PDE11A: variants seen among roughly 807,000 people sequenced by gnomAD.
PDE11A encodes the protein phosphodiesterase 11A.
Under a neutral mutation model 100.5 loss-of-function variants are expected in PDE11A, and 100 were observed. The ratio of observed to expected loss-of-function variants is 1.00; its 90% CI spans 0.85 to 1.18. The LOEUF (loss-of-function observed/expected upper bound fraction) is 1.18, where lower values mean the gene tolerates loss of function less well. Among genes scored for constraint, PDE11A ranks in the 50% most tolerant of loss-of-function variants. PDE11A has a pLI of 0.00. For synonymous variants in PDE11A, 381 were observed against 420.8 expected (o/e 0.91, Z 1.16); for missense variants, 1,141 against 1,152.6 (o/e 0.99, Z 0.15).
chr2:178,071,976 C>T lies in PDE11A; in HGVS notation c.462G>A (p.Arg154=), dbSNP rs1203055600. 6 of 1,613,890 alleles carry T rather than the reference C, an allele frequency of 3.7e-6. No individual in the cohort carries two copies. The highest frequency in any genetic ancestry group is 4.2e-6 in the Non-Finnish European group (5 of 1,179,940). The part of the protein sequence containing the change: ...RAQEPLSSVR[R]RALLRKASSL... ...AGCTTGCCTTCCGGAGAAGTGCCCT[C>T]CGTCGTACACTACTCAGGGGTTCCT... The change falls in exon 1 of 20, where the codon CGG becomes CGA. Residue 154 remains arginine, a synonymous_variant. Coordinates refer to ENST00000286063, the MANE Select transcript of PDE11A (RefSeq NM_016953.4).
chr2:177,945,091 G>C (rs570982378), intron 2 of PDE11A, among the ~76,000 whole-genome samples: 29 of 150,718 alleles, frequency 1.9e-4, no homozygotes, highest in African/African-American at 7.0e-4. Flanking sequence ...CGAGGTGCCG[G>C]GATTGCAGAG....
At chr2:178,005,587 C>A (rs955615709) in intron 2 of PDE11A, among the ~76,000 whole-genome samples, 2 of 152,120 alleles carry the variant, frequency 1.3e-5, no homozygotes, top group Non-Finnish European at 2.9e-5. Context: ...TCTGAGAGGG[C>A]AAGAATTTTT....
At chr2:177,950,656 A>T (rs2085494737) in intron 2 of PDE11A, among the ~76,000 whole-genome samples, 2 of 152,222 alleles carry the variant, frequency 1.3e-5, no homozygotes. Context: ...TCACGCCTGT[A>T]ATCCCAGCAC....
intron 2 of PDE11A, among the ~76,000 whole-genome samples, chr2:178,086,661 T>TA (rs2087360134): frequency 6.6e-6 from 1 of 152,194 alleles, no homozygotes; most frequent in African/African-American, 2.4e-5. Flanking sequence ...AAGATTCCAT[T>TA]TAAAAATTTT....
At chr2:177,826,803 G>C (rs2083232777) in intron 6 of PDE11A, among the ~76,000 whole-genome samples, 1 of 152,130 alleles carries the variant, frequency 6.6e-6, no homozygotes, top group Non-Finnish European at 1.5e-5. Context: ...CTGCTCAACT[G>C]TAATTCTTAC....
chr2:177,877,705 C>G (rs2084263709), intron 4 of PDE11A, among the ~76,000 whole-genome samples: 1 of 152,146 alleles, frequency 6.6e-6, no homozygotes, highest in Admixed American at 6.5e-5. Context: ...GGACTCAGTT[C>G]CAAGGCCTTT....
intron 4 of PDE11A, among the ~76,000 whole-genome samples, chr2:177,882,363 AG>A (rs2084357374): frequency 1.3e-5 from 2 of 152,270 alleles, no homozygotes. Context: ...CGGGATATAT[AG>A]AATGACATTG....
Position 177,780,146 on chromosome 2 carries a change from G to A in PDE11A, c.1738-10773C>T, listed in dbSNP as rs2082433532. Among the ~76,000 whole-genome samples the A allele has an allele frequency of 2.0e-5, 3 of 152,096 alleles. No individual in the cohort carries two copies. The South Asian group carries it at 6.2e-4, about 32-fold the overall frequency. Reference sequence around the variant, plus strand: ...TTTGTCTGAGCAGTAAGTCTCAATGGGAGGCCTAAAACATTTAGCAAACCA... The same window carrying A: ...TTTGTCTGAGCAGTAAGTCTCAATGAGAGGCCTAAAACATTTAGCAAACCA... On this transcript the variant is annotated intron_variant, in intron 9 of 19. Transcript: ENST00000286063.
chr2:177,648,109 C>T (rs1470524604), intron 19 of PDE11A, among the ~76,000 whole-genome samples: 1 of 151,818 alleles, frequency 6.6e-6, no homozygotes, highest in Non-Finnish European at 1.5e-5. Flanking sequence ...GAGACCCTGT[C>T]TCCAAAAAAG....
intron 2 of PDE11A, among the ~76,000 whole-genome samples, chr2:177,961,435 C>T (rs887969960): frequency 1.3e-5 from 2 of 152,200 alleles, no homozygotes; most frequent in East Asian, 3.9e-4. Context: ...AACTGTATGA[C>T]ATTTCTTTCA....
chr2:178,101,798 C>T (rs894801408), intron 2 of PDE11A, among the ~76,000 whole-genome samples: 7 of 152,120 alleles, frequency 4.6e-5, no homozygotes, highest in Non-Finnish European at 2.9e-5. Flanking sequence ...CTAGTACCAG[C>T]ATTTTTGCAC....
At chr2:178,065,211 T>C (rs1217009552) in intron 1 of PDE11A, among the ~76,000 whole-genome samples, 3 of 152,156 alleles carry the variant, frequency 2.0e-5, no homozygotes, top group Admixed American at 6.5e-5. Context: ...ACCCTTAAAA[T>C]AAGCAGCAAG....
intron 1 of PDE11A, among the ~76,000 whole-genome samples, chr2:178,069,980 A>G (rs2087103685): frequency 6.6e-6 from 1 of 152,210 alleles, no homozygotes; most frequent in South Asian, 2.1e-4. Flanking sequence ...CTTTAGCCCA[A>G]GCATACAAAA....
At chr2:177,950,294 T>G (rs1411109730) in intron 2 of PDE11A, among the ~76,000 whole-genome samples, 1 of 152,162 alleles carries the variant, frequency 6.6e-6, no homozygotes, top group African/African-American at 2.4e-5. Flanking sequence ...ATGTCTTGCC[T>G]TCACTCTTTC....
At chr2:177,671,923 T>C (rs1446213183) in intron 17 of PDE11A, among the ~76,000 whole-genome samples, 2 of 152,178 alleles carry the variant, frequency 1.3e-5, no homozygotes, top group Admixed American at 6.5e-5. Flanking sequence ...TGCGTTTCAC[T>C]GTGGTTTCTG....
At chr2:177,839,633 C>T in intron 6 of PDE11A, among the ~76,000 whole-genome samples, 1 of 152,128 alleles carries the variant, frequency 6.6e-6, no homozygotes, top group East Asian at 1.9e-4. Flanking sequence ...CCTTACCCTT[C>T]CTCACCAAAA....
chr2:177,632,859 AC>A (rs1289913353), intron 19 of PDE11A, among the ~76,000 whole-genome samples: 2 of 152,092 alleles, frequency 1.3e-5, no homozygotes, highest in East Asian at 3.8e-4. Flanking sequence ...ACAGTCTTTT[AC>A]CCCATGGAGA....
At chr2:177,969,257 G>A (rs933280428) in intron 2 of PDE11A, among the ~76,000 whole-genome samples, 9 of 152,138 alleles carry the variant, frequency 5.9e-5, no homozygotes, top group Middle Eastern at 3.4e-3. Context: ...ATCACACACC[G>A]GTCCTGTCGG....
At chr2:177,997,221 T>C (rs893928730) in intron 2 of PDE11A, 2 of 1,309,294 alleles carry the variant, frequency 1.5e-6, no homozygotes, top group African/African-American at 2.9e-5. Flanking sequence ...GACTACGATT[T>C]CTTCGTGTGC....
Sources: gnomAD v4.1 joint callset for allele counts (sites outside exome capture counted in the v4.1 genomes callset) on GRCh38, gnomAD v4.1.1 for gene constraint, MANE v1.5 for transcripts, NCBI Gene and HGNC (gene_info 2026-07-23, HGNC 2026-07-21) for gene names.